Variants in TBC1D30 observed in about 807,000 individuals in gnomAD.
TBC1D30 encodes TBC1 domain family member 30, also known as TBC1 domain family, member 30.
A neutral mutation model predicts 63.2 loss-of-function variants in TBC1D30; 31 were observed. That is an observed-to-expected ratio of 0.49 (90% CI 0.37 to 0.66). The LOEUF (loss-of-function observed/expected upper bound fraction) is 0.66. TBC1D30 is among the 30% of genes least tolerant of loss of function. The pLI, the probability that TBC1D30 is intolerant of heterozygous loss-of-function variation, is 0.00. For missense variants in TBC1D30, 810 were observed against 953.6 expected (o/e 0.85, Z 1.98); for synonymous variants, 307 against 361.5 (o/e 0.85, Z 1.71).
intron 2 of TBC1D30, among the ~76,000 whole-genome samples, chr12:64,789,619 A>G (rs1025175644): frequency 4.6e-5 from 7 of 152,216 alleles, no homozygotes; most frequent in African/African-American, 1.7e-4. Flanking sequence ...ATAATTAATG[A>G]ACCAAAATGG....
In TBC1D30 at chr12:64,830,440, C is replaced by T. The variant is rs150781447; in HGVS notation, c.346C>T (p.Arg116Cys). 9,723 of 1,535,274 alleles carry T rather than the reference C, an allele frequency of 6.3e-3. 47 individuals carry two copies. The highest frequency in any genetic ancestry group is 6.6e-3 in the Non-Finnish European group (7,538 of 1,146,356). The change falls in exon 4 of 12, where the codon CGC (arginine) becomes TGC (cysteine). Residue 116 changes from arginine to cysteine, a missense_variant. By Grantham distance (180) the Arg-to-Cys change is radical. Transcript: ENST00000539867. ...AGCCATTGACTGGGACAAAACCATG[C>T]GCTTCACTTTCAATGAAAGGAGTAA... ...SIAIDWDKTM[R>C]FTFNERSNPD... is the part of the protein sequence containing the mutation.
intron 5 of TBC1D30, among the ~76,000 whole-genome samples, chr12:64,834,404 C>CTTTTTT (rs34733475): frequency 2.5e-5 from 3 of 120,302 alleles, no homozygotes; most frequent in East Asian, 2.5e-4. Context: ...TTAGCCAAAT[C>CTTTTTT]TTTTTTTTTT....
chr12:64,830,256 C>T (rs1874728724), intron 3 of TBC1D30, 121 bp from the exon 4 acceptor site: 22 of 928,790 alleles, frequency 2.4e-5, no homozygotes, highest in Non-Finnish European at 2.9e-5. Flanking sequence ...TACTTATGAG[C>T]GATAGATAGC....
chr12:64,837,570 C>A (rs1875478102), intron 6 of TBC1D30, among the ~76,000 whole-genome samples: 1 of 152,018 alleles, frequency 6.6e-6, no homozygotes, highest in Non-Finnish European at 1.5e-5. Flanking sequence ...TGATAGGAGG[C>A]AGAGCTCAGG....
chr12:64,870,493 G>A, intron 10 of TBC1D30, 109 bp from the exon 11 acceptor site: 1 of 853,246 alleles, frequency 1.2e-6, no homozygotes, highest in Non-Finnish European at 1.8e-6. Context: ...CTGTGGTTTA[G>A]AATTTCATGG....
chr12:64,856,536 G>T (rs887369301), intron 8 of TBC1D30, among the ~76,000 whole-genome samples: 1 of 152,138 alleles, frequency 6.6e-6, no homozygotes, highest in African/African-American at 2.4e-5. Flanking sequence ...GAAACATGTG[G>T]AGTCTCTTTC....
At chr12:64,797,531 T>C (rs1872351937) in intron 2 of TBC1D30, among the ~76,000 whole-genome samples, 1 of 152,192 alleles carries the variant, frequency 6.6e-6, no homozygotes. Flanking sequence ...TAACTGCAGC[T>C]GCAGAAACAC....
In TBC1D30 at chr12:64,763,759, C is replaced by T. The variant is rs541853885; in HGVS notation, c.-376+4110C>T. ...AAGTAGCTGGGATTACAGGTGTACA[C>T]CACCACATCCAGCTAATTTTTGTAT... On this transcript the variant is annotated intron_variant, in intron 1 of 13. Transcript: ENST00000674237. Among the ~76,000 whole-genome samples, 102 of 152,168 alleles carry T rather than the reference C, an allele frequency of 6.7e-4. No homozygotes were observed. The South Asian group carries it at 0.02, about 30-fold the overall frequency.
At chr12:64,786,087 T>C (rs1449567177) in intron 2 of TBC1D30, 3 of 1,257,692 alleles carry the variant, frequency 2.4e-6, no homozygotes, top group Non-Finnish European at 1.0e-6. Context: ...CACATGCAAC[T>C]AGAATGTTAG....
At chr12:64,844,079 C>T (rs1283918714) in intron 8 of TBC1D30, among the ~76,000 whole-genome samples, 1 of 152,136 alleles carries the variant, frequency 6.6e-6, no homozygotes, top group Non-Finnish European at 1.5e-5. Context: ...TAGGCATGAA[C>T]CACTGTGCCC....
intron 5 of TBC1D30, 28 bp downstream of exon 5, chr12:64,832,332 T>C (rs1341139355): frequency 6.6e-7 from 1 of 1,522,126 alleles, no homozygotes; most frequent in Admixed American, 2.0e-5. Context: ...ACAAAGGCCA[T>C]GGACATTCTT....
At position 64,880,103 on chromosome 12, in the gene TBC1D30, T is replaced by C. The variant is rs1879363424; in HGVS notation, c.*4315T>C. 6.6e-6 allele frequency: 1 copy of C among 152,204 alleles called. No individual in the cohort carries two copies. The highest frequency in any genetic ancestry group is 2.4e-5 in the African/African-American group (1 of 41,462). The allele number at this position is 152,204 out of a possible 1,614,324, so 9.4% of individuals were successfully genotyped here. On this transcript the variant is annotated 3_prime_UTR_variant, in exon 12 of 12. Coordinates refer to ENST00000539867, the MANE Select transcript of TBC1D30 (RefSeq NM_015279.2). ...AAGTGGGAGTTATCTGTTATCCACA[T>C]CAGGCAGCTCAGAGTAAAGTCAGCA...
chr12:64,866,821 T>C lies in TBC1D30; in HGVS notation c.1209T>C (p.Ala403=). 2.0e-6 allele frequency: 3 copies of C among 1,536,560 alleles called. No individual in the cohort carries two copies. The highest frequency in any genetic ancestry group is 2.6e-6 in the Non-Finnish European group (3 of 1,147,012). The change falls in exon 10 of 12, where the codon GCT becomes GCC. Residue 403 remains alanine (A), a synonymous_variant. Coordinates refer to ENST00000539867, the MANE Select transcript of TBC1D30 (RefSeq NM_015279.2). ...AGAATGACCCAGACGATGAGGATGC[T>C]GTCGTTAATGCAGTGGGGTGTCTTG... ...DEENDPDDED[A]VVNAVGCLGP...
intron 1 of TBC1D30, among the ~76,000 whole-genome samples, chr12:64,769,512 G>T (rs1332377224): frequency 6.6e-6 from 1 of 151,862 alleles, no homozygotes; most frequent in Non-Finnish European, 1.5e-5. Context: ...AAGTAGCTGG[G>T]ATTACAGGCA....
chr12:64,806,951 T>C (rs1872907278), intron 2 of TBC1D30, among the ~76,000 whole-genome samples: 2 of 152,218 alleles, frequency 1.3e-5, no homozygotes, highest in Admixed American at 6.5e-5. Flanking sequence ...TACTGTATGA[T>C]TCCACTTATA....
rs550560476 is a variant in TBC1D30, at chr12:64,803,737, A to T, written c.643+17692A>T. Among the ~76,000 whole-genome samples the T allele has an allele frequency of 2.7e-3, 405 of 152,264 alleles. 2 individuals carry two copies. The Middle Eastern group carries it at 0.031, about 12-fold the overall frequency. ...CATATGGCTAGCCAGTTTTCCCAGC[A>T]CCATTTATTAAATAGGGAATCCTTT... On this transcript the variant is annotated intron_variant, in intron 2 of 12. Transcript: ENST00000542120.
chr12:64,777,262 A>G (rs1454525662), upstream of TBC1D30, among the ~76,000 whole-genome samples: 4 of 152,196 alleles, frequency 2.6e-5, no homozygotes, highest in East Asian at 1.9e-4. Context: ...GGCCAGGGCA[A>G]TCAGGCAAGA....
intron 2 of TBC1D30, among the ~76,000 whole-genome samples, chr12:64,792,737 AT>A (rs1414980514): frequency 1.3e-5 from 2 of 151,400 alleles, no homozygotes; most frequent in African/African-American, 2.4e-5. Flanking sequence ...CACCCAGCTA[AT>A]TTTTTTTTAA....
Position 64,876,958 on chromosome 12 carries a change from G to A in TBC1D30, c.*1170G>A. The A allele has an allele frequency of 4.4e-6, 2 of 455,444 alleles. No individual in the cohort carries two copies. The highest frequency in any genetic ancestry group is 2.3e-5 in the Admixed American group (1 of 42,562). 28.2% of individuals were successfully genotyped at this position (455,444 alleles called of 1,614,324 possible). ...AAGGTCAGTACTCTCGGTATTCCAAGTGACTTAGCCACATTTCCTTCAGTG... is the reference window on the plus strand; with the variant it reads ...AAGGTCAGTACTCTCGGTATTCCAAATGACTTAGCCACATTTCCTTCAGTG... On this transcript the variant is annotated 3_prime_UTR_variant, in exon 12 of 12. Coordinates refer to ENST00000539867, the MANE Select transcript of TBC1D30 (RefSeq NM_015279.2).
Sources: allele counts gnomAD v4.1 joint callset (sites outside exome capture counted in the v4.1 genomes callset), GRCh38; gene constraint gnomAD v4.1.1; transcripts MANE v1.5; gene names NCBI Gene and HGNC (gene_info 2026-07-23, HGNC 2026-07-21).